CHRNA1: variants seen among roughly 807,000 people sequenced by gnomAD.
The protein encoded by CHRNA1 is acetylcholine receptor subunit alpha.
Under a neutral mutation model 47.1 loss-of-function variants are expected in CHRNA1, and 35 were observed. That is an observed-to-expected ratio of 0.74 (90% CI 0.57 to 0.99). The LOEUF is 0.99. CHRNA1 is among the 50% of genes least tolerant of loss of function. The pLI is 0.00. For synonymous variants in CHRNA1, 229 were observed against 223.6 expected (o/e 1.02, Z -0.22); for missense variants, 506 against 591.1 (o/e 0.86, Z 1.49).
chr2:174,749,673 G>A lies in CHRNA1; in HGVS notation c.1002+273C>T, dbSNP rs75938307. ...CACGGCATTTCAATAAAAAGCAGCC[G>A]TTTGTTCATCTTCTCTGATCAAAGA... On this transcript the variant is annotated intron_variant, in intron 7 of 8. Transcript: ENST00000348749. 0.019 allele frequency among the ~76,000 whole-genome samples: 2,866 copies of A among 152,272 alleles called. 90 individuals are homozygous for A. The highest frequency in any genetic ancestry group is 0.065 in the African/African-American group (2,693 of 41,528).
rs56303717 is a variant in CHRNA1 at position 174,760,634 on chromosome 2, G to A, written c.44-1001C>T. On this transcript the variant is annotated intron_variant, in intron 1 of 8. Transcript: ENST00000348749. ...GAAAACGTTCTGGAAATAGATAGTG[G>A]TGATGGTCTTATAACATGTGAATGT... Among the ~76,000 whole-genome samples the A allele has an allele frequency of 9.2e-4, 140 of 152,326 alleles. 1 individual carries two copies. Among genetic ancestry groups the A allele is most frequent in the African/African-American group, 3.3e-3 (136 of 41,564 alleles).
chr2:174,751,922 C>T (rs561098297), intron 6 of CHRNA1, among the ~76,000 whole-genome samples: 2 of 152,132 alleles, frequency 1.3e-5, no homozygotes, highest in South Asian at 4.2e-4. Flanking sequence ...TCAAGTGATC[C>T]ATCCGCCTTG....
At chr2:174,753,079 A>G (rs1291777510) in intron 6 of CHRNA1, 4 of 323,494 alleles carry the variant, frequency 1.2e-5, no homozygotes, top group Non-Finnish European at 2.3e-5. Flanking sequence ...TCTATTTTCA[A>G]GTGGTGAGCA....
rs1683930467 is a variant in CHRNA1 at position 174,754,425 on chromosome 2, G to A, written c.345-11C>T. 2 of 1,613,416 alleles carry A rather than the reference G, an allele frequency of 1.2e-6. No homozygotes were observed. Among genetic ancestry groups the A allele is most frequent in the Non-Finnish European group, 1.7e-6 (2 of 1,179,696 alleles). ...AAGTCACCATCTGCACTACAATTGG[G>A]ATAAAAGAGGAAAATGGCTCCAAGT... is the stretch of plus-strand genomic sequence containing the variant. On this transcript the variant is annotated splice_polypyrimidine_tract_variant and intron_variant, in intron 4 of 8. Transcript: ENST00000348749.
chr2:174,753,634 G>T lies in CHRNA1; in HGVS notation c.647C>A (p.Thr216Asn). Residue 216 changes from threonine to asparagine, a missense_variant, in exon 6 of 9, where the codon ACC becomes AAC. Thr to Asn is a moderately conservative substitution (Grantham distance 65, BLOSUM62 0). Transcript: ENST00000348749. ...HSVTYSCCPD[T>N]PYLDITYHFV... The stretch of plus-strand genomic sequence containing the variant: ...GTGGTAGGTGATGTCCAGGTAGGGG[G>T]TGTCGGGGCAGCAGGAATAGGTCAC... The T allele has an allele frequency of 6.2e-7, 1 of 1,614,126 alleles. No individual in the cohort carries two copies. The highest frequency in any genetic ancestry group is 1.1e-5 in the South Asian group (1 of 91,060).
In CHRNA1 at chr2:174,748,257, T is replaced by C. The variant is rs1467536651; in HGVS notation, c.1243-2A>G. The C allele has an allele frequency of 6.2e-7, 1 of 1,614,112 alleles. No individual in the cohort carries two copies. Among genetic ancestry groups the C allele is most frequent in the Non-Finnish European group, 8.5e-7 (1 of 1,180,022 alleles). The stretch of plus-strand genomic sequence containing the variant: ...AACGTACTTCCACTCTGCCGCCGCC[T>C]GGGAGAGAGGAAAATGTTAGACAGA... On this transcript the variant is annotated splice_acceptor_variant, in intron 8 of 8. Coordinates refer to ENST00000348749, the MANE Select transcript of CHRNA1 (RefSeq NM_000079.4). LOFTEE classifies it high-confidence loss of function.
chr2:174,757,525 T>C (rs755183925), intron 4 of CHRNA1, 41 bp downstream of exon 4: 1 of 1,477,206 alleles, frequency 6.8e-7, no homozygotes, highest in South Asian at 1.1e-5. Context: ...TTATTCCACC[T>C]GCCCCAGGAG....
rs542750994 is a variant in CHRNA1, at chr2:174,747,663, T to A, written c.*461A>T. 304 of 174,054 alleles carry A rather than the reference T, an allele frequency of 1.7e-3. 4 individuals carry two copies. The highest frequency in any genetic ancestry group is 2.7e-3 in the Non-Finnish European group (219 of 80,338). The allele number at this position is 174,054 out of a possible 1,614,324, so 10.8% of individuals were successfully genotyped here. A position where few individuals can be genotyped will look rare whatever the true frequency, so the allele number is the denominator to read the frequency against. On this transcript the variant is annotated 3_prime_UTR_variant, in exon 9 of 9. Transcript: ENST00000348749. ...CTCTCTCTCCAAATCAAATGCCTTA[T>A]CTCTTTAGGACTGGTAGATGGGGTT...
chr2:174,757,778 A>G, intron 3 of CHRNA1, 103 bp from the exon 4 acceptor site: 1 of 1,136,434 alleles, frequency 8.8e-7, no homozygotes, highest in Non-Finnish European at 1.3e-6. Flanking sequence ...ATTGACAGAA[A>G]TTGTGCTTCC....
At chr2:174,748,493 C>T (rs1383138315) in intron 8 of CHRNA1, 87 bp downstream of exon 8, 13 of 1,529,492 alleles carry the variant, frequency 8.5e-6, no homozygotes, top group Non-Finnish European at 2.6e-6. Flanking sequence ...TTGTATGCCA[C>T]CTACTTGTTA....
rs758961178 is a variant in CHRNA1 at position 174,750,153 on chromosome 2, C to T, written c.795G>A (p.Leu265=). ...LPTDSGEKMT[L]SISVLLSLTV... ...TCAAAGACAGTAAGACAGAGATGCT[C>T]AGAGTCATCTTCTCCCCTGAAAAGA... is the stretch of plus-strand genomic sequence containing the variant. The change falls in exon 7 of 9, where the codon CTG becomes CTA. Residue 265 remains leucine (L), a synonymous_variant. Transcript: ENST00000348749. 62 of 1,605,880 alleles carry T rather than the reference C, an allele frequency of 3.9e-5. No homozygotes were observed. The highest frequency in any genetic ancestry group is 5.1e-5 in the Non-Finnish European group (60 of 1,176,194).
In CHRNA1 at chr2:174,747,832, T is replaced by C; in HGVS notation, c.*292A>G. 1 of 382,292 alleles carries C rather than the reference T, an allele frequency of 2.6e-6. No homozygotes were observed. Among genetic ancestry groups the C allele is most frequent in the Non-Finnish European group, 5.0e-6 (1 of 201,782 alleles). The allele number at this position is 382,292 out of a possible 1,614,324, so 23.7% of individuals were successfully genotyped here. ...TGACAATGCAACAGAAAACCTCGGT[T>C]ATCCTGGCAAAAACTCTTCCAGACA... On this transcript the variant is annotated 3_prime_UTR_variant, in exon 9 of 9. Transcript: ENST00000348749.
At chr2:174,748,912 G>C in intron 7 of CHRNA1, 93 bp from the exon 8 acceptor site, 1 of 1,540,230 alleles carries the variant, frequency 6.5e-7, no homozygotes. Context: ...TTTGGGGTAA[G>C]TCATTCAGTT....
chr2:174,748,892 A>G, intron 7 of CHRNA1, 73 bp from the exon 8 acceptor site: 2 of 1,585,330 alleles, frequency 1.3e-6, no homozygotes, highest in Non-Finnish European at 1.7e-6. Context: ...TCTTTGAATT[A>G]TCAATGTGAT....
Position 174,754,190 on chromosome 2 carries a change from C to T in CHRNA1, c.540+29G>A, listed in dbSNP as rs959294900. ...ACCCGAATCACAATTTTCCTGAAAC[C>T]ACCCTTATCATATGTGGCCACCACC... On this transcript the variant is annotated intron_variant, in intron 5 of 8. Transcript: ENST00000348749. 3 of 1,610,104 alleles carry T rather than the reference C, an allele frequency of 1.9e-6. No homozygotes were observed. The African/African-American group carries it at 4.0e-5, about 22-fold the overall frequency.
intron 2 of CHRNA1, 54 bp downstream of exon 2, chr2:174,759,434 C>T: frequency 6.2e-7 from 1 of 1,613,986 alleles, no homozygotes; most frequent in South Asian, 1.1e-5. Context: ...GGGGAGGAAA[C>T]CCAGGGGTGA....
chr2:174,749,882 C>T, intron 7 of CHRNA1, 64 bp downstream of exon 7: 1 of 1,405,630 alleles, frequency 7.1e-7, no homozygotes, highest in Admixed American at 1.7e-5. Flanking sequence ...AACCCACTGG[C>T]TCCTCGAAGG....
intron 1 of CHRNA1, among the ~76,000 whole-genome samples, chr2:174,759,962 A>G (rs1040081210): frequency 6.6e-6 from 1 of 151,776 alleles, no homozygotes; most frequent in Admixed American, 6.6e-5. Context: ...ACACACACGA[A>G]AAAAAAGCCC....
At chr2:174,763,008 C>T (rs891410325) in intron 1 of CHRNA1, among the ~76,000 whole-genome samples, 12 of 152,146 alleles carry the variant, frequency 7.9e-5, no homozygotes, top group Non-Finnish European at 1.6e-4. Context: ...ACCAAGTCTC[C>T]AACTGACCAC....
Sources: gnomAD v4.1 joint callset for allele counts (sites outside exome capture counted in the v4.1 genomes callset) on GRCh38, gnomAD v4.1.1 for gene constraint, MANE v1.5 for transcripts, NCBI Gene and HGNC (gene_info 2026-07-23, HGNC 2026-07-21) for gene names.